Variants in ICAM3 observed in about 807,000 individuals in gnomAD.
ICAM3 encodes the protein ICAM-3.
ICAM3 carries 54 observed loss-of-function variants against 43.6 expected under a neutral mutation model. The observed-to-expected ratio is 1.24, with a 90% CI of 0.99 to 1.55. The LOEUF (loss-of-function observed/expected upper bound fraction) is 1.55. ICAM3 is among the 40% of genes most tolerant of loss of function. The pLI is 0.00. For synonymous variants in ICAM3, 306 were observed against 312.6 expected, an observed-to-expected ratio of 0.98 and a Z score of 0.22; for missense variants, 715 against 717.9, an observed-to-expected ratio of 1.00 and a Z score of 0.05.
rs559108389 is a variant in ICAM3 at position 10,335,931 on chromosome 19, G to C, written c.389C>G (p.Pro130Arg). 9 of 1,582,768 alleles carry C rather than the reference G, an allele frequency of 5.7e-6. No individual in the cohort carries two copies. In the East Asian group the frequency reaches 1.4e-4, roughly 24 times the overall value. The change falls in exon 3 of 7, where the codon CCG (proline) becomes CGG (arginine). Residue 130 changes from proline to arginine, a missense_variant. Transcript: ENST00000160262. ...VELAPLPPWQPVGQNFTLRCQ... is the reference protein window; with the variant it reads ...VELAPLPPWQRVGQNFTLRCQ... Reference sequence around the variant, plus strand: ...GCGCAGGGTGAAGTTCTGGCCCACCGGCTGCCAAGGAGGCAGGGGTGCCAG... The same window carrying C: ...GCGCAGGGTGAAGTTCTGGCCCACCCGCTGCCAAGGAGGCAGGGGTGCCAG...
Position 10,338,811 on chromosome 19 carries a change from C to T in ICAM3, c.214G>A (p.Glu72Lys). Residue 72 changes from glutamate (E) to lysine (K), a missense_variant, in exon 2 of 7, where the codon GAG becomes AAG. Physicochemically the swap from Glu to Lys is moderately conservative, Grantham distance 56. Coordinates refer to ENST00000160262, the MANE Select transcript of ICAM3 (RefSeq NM_002162.5). Reference sequence around the variant, plus strand: ...CAGCCCATGCCACTGGCCACCAGCTCCTTTGATAGGGACGTCTCCAAGGCG... The same window carrying T: ...CAGCCCATGCCACTGGCCACCAGCTTCTTTGATAGGGACGTCTCCAAGGCG... ...KIALETSLSK[E>K]LVASGMGWAA... 6.2e-7 allele frequency: 1 copy of T among 1,614,206 alleles called. No homozygotes were observed. Among genetic ancestry groups the T allele is most frequent in the Non-Finnish European group, 8.5e-7 (1 of 1,180,046 alleles).
intron 2 of ICAM3, among the ~76,000 whole-genome samples, chr19:10,336,528 G>C (rs1487878960): frequency 6.6e-6 from 1 of 151,898 alleles, no homozygotes; most frequent in Non-Finnish European, 1.5e-5. Context: ...GCCTCAGGCC[G>C]GGCACTGTGG....
intron 2 of ICAM3, 71 bp downstream of exon 2, chr19:10,338,611 C>A: frequency 6.8e-7 from 1 of 1,474,702 alleles, no homozygotes; most frequent in Non-Finnish European, 9.4e-7. Flanking sequence ...GGTCCCCACT[C>A]TCCTGAGCCA....
In ICAM3 at chr19:10,335,721, C is replaced by T. The variant is rs1244083818; in HGVS notation, c.599G>A (p.Gly200Glu). 4 of 1,610,532 alleles carry T rather than the reference C, an allele frequency of 2.5e-6. No individual in the cohort carries two copies. Among genetic ancestry groups the T allele is most frequent in the East Asian group, 2.2e-5 (1 of 44,800 alleles). ...TGAGGTGTTCACGAACAGTCCCAGC[C>T]CCTGGGGCTGCATGTCCAGTTCTGT... ...CRTELDMQPQGLGLFVNTSAP... is the reference protein window; with the variant it reads ...CRTELDMQPQELGLFVNTSAP... Residue 200 changes from glycine (G) to glutamate (E), a missense_variant, in exon 3 of 7, where the codon GGG (glycine) becomes GAG (glutamate). By Grantham distance (98) the Gly-to-Glu change is moderately conservative (BLOSUM62 -2). Coordinates refer to ENST00000160262, the MANE Select transcript of ICAM3 (RefSeq NM_002162.5).
Position 10,334,248 on chromosome 19 carries a change from G to A in ICAM3, c.1353C>T (p.Phe451=). Residue 451 remains phenylalanine, a synonymous_variant, in exon 6 of 7, where the codon TTC becomes TTT. Coordinates refer to ENST00000160262, the MANE Select transcript of ICAM3 (RefSeq NM_002162.5). The surrounding 1 kb of genome is among the most constrained non-coding windows in gnomAD (Gnocchi z 5.5). ...AAGTACCATTATGTGTTACGTTGACGAAGAACGGGATCCCCACCGGCACCT... is the reference window on the plus strand; with the variant it reads ...AAGTACCATTATGTGTTACGTTGACAAAGAACGGGATCCCCACCGGCACCT... ...SREVPVGIPF[F]VNVTHNGTYQ... The A allele has an allele frequency of 6.2e-7, 1 of 1,614,142 alleles. No individual in the cohort carries two copies. The highest frequency in any genetic ancestry group is 8.5e-7 in the Non-Finnish European group (1 of 1,180,026).
chr19:10,335,218 A>C lies in ICAM3; in HGVS notation c.785T>G (p.Met262Arg), dbSNP rs1362310857. 1 of 1,613,744 alleles carries C rather than the reference A, an allele frequency of 6.2e-7. No individual in the cohort carries two copies. Among genetic ancestry groups the C allele is most frequent in the African/African-American group, 1.3e-5 (1 of 74,914 alleles). The stretch of plus-strand genomic sequence containing the variant: ...GTGGTTCATGACTGTCGCATTCAGC[A>C]TCTGGTCCCCCAGCGCCAGGTAGAC... Reference protein sequence around the residue: ...AQVYLALGDQMLNATVMNHGD... With the variant: ...AQVYLALGDQRLNATVMNHGD... The change falls in exon 4 of 7, where the codon ATG becomes AGG. Residue 262 changes from methionine (M) to arginine (R), a missense_variant. By Grantham distance (91) the Met-to-Arg change is moderately conservative. Transcript: ENST00000160262.
rs1022453302 is a variant in ICAM3, at chr19:10,335,339, G to A, written c.664C>T (p.Pro222Ser). 3.1e-6 allele frequency: 5 copies of A among 1,608,108 alleles called. No homozygotes were observed. Among genetic ancestry groups the A allele is most frequent in the African/African-American group, 2.7e-5 (2 of 74,864 alleles). ...AACCGGGGGGCCACGAGGCGCGGGG[G>A]GGTCACGGGCAGGACTGGGGAGAAA... is the stretch of plus-strand genomic sequence containing the variant. ...QLRTFVLPVT[P>S]PRLVAPRFLE... Residue 222 changes from proline (P) to serine (S), a missense_variant, in exon 4 of 7, where the codon CCC becomes TCC. Transcript: ENST00000160262.
chr19:10,338,557 C>T (rs1224006127), intron 2 of ICAM3, 125 bp downstream of exon 2: 1 of 804,498 alleles, frequency 1.2e-6, no homozygotes, highest in Non-Finnish European at 2.0e-6. Flanking sequence ...ATGTCCAGGT[C>T]TGAGCTCTGG....
Position 10,338,775 on chromosome 19 carries a change from T to C in ICAM3, c.250A>G (p.Asn84Asp). The C allele has an allele frequency of 4.3e-6, 7 of 1,614,164 alleles. No individual in the cohort carries two copies. Among genetic ancestry groups the C allele is most frequent in the Non-Finnish European group, 5.9e-6 (7 of 1,180,022 alleles). ...CTGTTGCCAGTCACGTTGCTGAGAT[T>C]GAAGGCTGCCCAGCCCATGCCACTG... is the stretch of plus-strand genomic sequence containing the variant. ...VASGMGWAAF[N>D]LSNVTGNSRI... is the part of the protein sequence containing the mutation. Residue 84 changes from asparagine (N) to aspartate (D), a missense_variant, in exon 2 of 7, where the codon AAT (asparagine) becomes GAT (aspartate). By Grantham distance (23) the Asn-to-Asp change is conservative. Coordinates refer to ENST00000160262, the MANE Select transcript of ICAM3 (RefSeq NM_002162.5).
Position 10,335,688 on chromosome 19 carries a change from CG to C in ICAM3, c.631del (p.Arg211AlafsTer10). 2 of 1,604,878 alleles carry C rather than the reference CG, an allele frequency of 1.2e-6. No homozygotes were observed. The highest frequency in any genetic ancestry group is 8.5e-7 in the Non-Finnish European group (1 of 1,176,058). ...LGLFVNTSAP[R>X]QLRTFVLPVT... ...TCTCTCACCAAAGGTTCGGAGCTGG[CG>C]GGGGGCTGAGGTGTTCACGAACAGT... On this transcript the variant is annotated frameshift_variant, in exon 3 of 7. Transcript: ENST00000160262. LOFTEE classifies it high-confidence loss of function.
At position 10,334,754 on chromosome 19, in the gene ICAM3, G is replaced by T; in HGVS notation, c.966C>A (p.Ser322Arg). Residue 322 changes from serine to arginine, a missense_variant, in exon 5 of 7, where the codon AGC (serine) becomes AGA (arginine). By Grantham distance (110) the Ser-to-Arg change is moderately radical (BLOSUM62 -1). Transcript: ENST00000160262. This position sits in a 1 kb window ranked among gnomAD's most constrained non-coding sequence, Gnocchi z 5.5. ...FSFLGPIVNL[S>R]EPTAHEGSTV... ...TGGACCCCTCATGGGCGGTGGGCTC[G>T]CTGAGGTTCACAATGGGTCCTAGGA... is the stretch of plus-strand genomic sequence containing the variant. 1 of 1,606,664 alleles carries T rather than the reference G, an allele frequency of 6.2e-7. No individual in the cohort carries two copies. Among genetic ancestry groups the T allele is most frequent in the Non-Finnish European group, 8.5e-7 (1 of 1,175,402 alleles).
rs765348866 is a variant in ICAM3, at chr19:10,338,508, GTGTCTC to G, written c.343+168_343+173del. Among the ~76,000 whole-genome samples the G allele has an allele frequency of 4.6e-5, 7 of 151,940 alleles. No homozygotes were observed. The South Asian group carries it at 1.5e-3, about 32-fold the overall frequency. ...TCTCTATATCTCTGTCTCTGTCTCT[GTGTCTC>G]TGTCTCTGTCTATCTTTGTATCTCA... On this transcript the variant is annotated intron_variant, in intron 2 of 6. Coordinates refer to ENST00000160262, the MANE Select transcript of ICAM3 (RefSeq NM_002162.5).
intron 2 of ICAM3, 85 bp downstream of exon 2, chr19:10,338,596 CT>C: frequency 7.7e-7 from 1 of 1,306,528 alleles, no homozygotes; most frequent in South Asian, 1.3e-5. Context: ...TCTTTGCAAA[CT>C]GAGGGTCCCC....
In ICAM3 at chr19:10,335,109, T is replaced by G; in HGVS notation, c.894A>C (p.Leu298=). ...CCCGGGCCTCCCGTCTCTCGCCCCC[T>G]AGGGTCACGTTGCAGACGATCTCCC... ...GAREIVCNVT[L]GGERREAREN... Residue 298 remains leucine, a synonymous_variant, in exon 4 of 7, where the codon CTA becomes CTC. Coordinates refer to ENST00000160262, the MANE Select transcript of ICAM3 (RefSeq NM_002162.5). The G allele has an allele frequency of 6.2e-7, 1 of 1,613,572 alleles. No individual in the cohort carries two copies. The highest frequency in any genetic ancestry group is 8.5e-7 in the Non-Finnish European group (1 of 1,179,894).
rs112490934 is a variant in ICAM3, at chr19:10,335,064, A to G, written c.937+2T>C. 5.6e-5 allele frequency: 90 copies of G among 1,610,874 alleles called. No individual in the cohort carries two copies. Among genetic ancestry groups the G allele is most frequent in the South Asian group, 1.5e-4 (14 of 90,964 alleles). On this transcript the variant is annotated splice_donor_variant, in intron 4 of 6. Coordinates refer to ENST00000160262, the MANE Select transcript of ICAM3 (RefSeq NM_002162.5). LOFTEE classifies it high-confidence loss of function. ...GCGCCCCCTTCCCACGCCTCCTCTTACTAAAGACCGTCAAGTTCTCCCGGG... is the reference window on the plus strand; with the variant it reads ...GCGCCCCCTTCCCACGCCTCCTCTTGCTAAAGACCGTCAAGTTCTCCCGGG...
intron 3 of ICAM3, 43 bp from the exon 4 acceptor site, chr19:10,335,396 CT>C: frequency 6.6e-7 from 1 of 1,506,106 alleles, no homozygotes; most frequent in East Asian, 2.4e-5. Flanking sequence ...AGGACTGTGC[CT>C]TCCCCAGGAC....
chr19:10,338,146 G>A (rs1315863528), intron 2 of ICAM3, among the ~76,000 whole-genome samples: 2 of 150,956 alleles, frequency 1.3e-5, no homozygotes, highest in Non-Finnish European at 2.9e-5. Context: ...GCCCATGCCT[G>A]TAATCCCAGC....
chr19:10,338,932 C>T lies in ICAM3; in HGVS notation c.93G>A (p.Glu31=), dbSNP rs1190662183. Residue 31 remains glutamate, a synonymous_variant, in exon 2 of 7, where the codon GAG becomes GAA. Coordinates refer to ENST00000160262, the MANE Select transcript of ICAM3 (RefSeq NM_002162.5). Reference sequence around the variant, plus strand: ...TCTGGGGCTCCACCCGCAAAAGGAACTCCTGCCCCTGGACACCTTCAGGAA... The same window carrying T: ...TCTGGGGCTCCACCCGCAAAAGGAATTCCTGCCCCTGGACACCTTCAGGAA... ...CLLTPGVQGQ[E]FLLRVEPQNP... 3 of 1,613,950 alleles carry T rather than the reference C, an allele frequency of 1.9e-6. No individual in the cohort carries two copies. Among genetic ancestry groups the T allele is most frequent in the Non-Finnish European group, 2.5e-6 (3 of 1,180,002 alleles).
intron 2 of ICAM3, among the ~76,000 whole-genome samples, chr19:10,338,311 G>A (rs528465784): frequency 4.6e-5 from 7 of 151,504 alleles, no homozygotes; most frequent in Admixed American, 4.6e-4. Context: ...GCTGAGGCAG[G>A]AGAATCACTT....
Sources: allele counts gnomAD v4.1 joint callset (sites outside exome capture counted in the v4.1 genomes callset), GRCh38; gene constraint gnomAD v4.1.1; non-coding constraint Gnocchi (gnomAD v3.1); transcripts MANE v1.5; gene names NCBI Gene and HGNC (gene_info 2026-07-23, HGNC 2026-07-21).